The following KIZ variants were observed in gnomAD, a reference collection of about 807,000 sequenced individuals.
KIZ encodes the protein centrosomal protein kizuna.
In KIZ, 68 loss-of-function variants were observed where a neutral mutation model predicts 79.6. The ratio of observed to expected loss-of-function variants is 0.85; its 90% confidence interval spans 0.70 to 1.05. The LOEUF is 1.05. Among genes scored for constraint, KIZ ranks in the 50% least tolerant of loss-of-function variants. KIZ has a pLI of 0.00. For missense variants in KIZ, 797 were observed against 800.4 expected, an observed-to-expected ratio of 1.00 and a Z score of 0.05; for synonymous variants, 280 against 281.8, an observed-to-expected ratio of 0.99 and a Z score of 0.06.
chr20:21,215,911 C>T (rs765016766), intron 9 of KIZ, among the ~76,000 whole-genome samples: 33 of 152,200 alleles, frequency 2.2e-4, no homozygotes, highest in Non-Finnish European at 3.7e-4. Context: ...TGTGCCCTTT[C>T]AGCACCTGCG....
chr20:21,216,605 C>T (rs1220028461), intron 9 of KIZ, among the ~76,000 whole-genome samples: 1 of 152,040 alleles, frequency 6.6e-6, no homozygotes, highest in Non-Finnish European at 1.5e-5. Flanking sequence ...ACATTTTCAC[C>T]AATGATATGT....
chr20:21,162,928 C>G lies in KIZ; in HGVS notation c.1121C>G (p.Thr374Ser), dbSNP rs2122701652. The change falls in exon 6 of 13, where the codon ACC becomes AGC. Residue 374 changes from threonine (T) to serine (S), a missense_variant. Transcript: ENST00000619189. Reference sequence around the variant, plus strand: ...GAAGAGGAGGAGGAAAGTTGGAGCACCAGCAGTGACCTTACCATTTCAATA... The same window carrying G: ...GAAGAGGAGGAGGAAAGTTGGAGCAGCAGCAGTGACCTTACCATTTCAATA... The part of the protein sequence containing the change: ...MQEEEEESWS[T>S]SSDLTISISE... 6.2e-7 allele frequency: 1 copy of G among 1,613,558 alleles called. No homozygotes were observed. Among genetic ancestry groups the G allele is most frequent in the Non-Finnish European group, 8.5e-7 (1 of 1,179,676 alleles).
chr20:21,149,282 A>G (rs2032996463), intron 4 of KIZ, among the ~76,000 whole-genome samples: 2 of 152,196 alleles, frequency 1.3e-5, no homozygotes, highest in Admixed American at 1.3e-4. Flanking sequence ...TCCTGGTGAA[A>G]TAAAAACAAC....
chr20:21,219,188 A>AT (rs2036416094), intron 9 of KIZ, among the ~76,000 whole-genome samples: 2 of 69,906 alleles, frequency 2.9e-5, no homozygotes, highest in Admixed American at 1.5e-4. Flanking sequence ...ACCAGGTAGA[A>AT]TATTTATCGA....
intron 2 of KIZ, among the ~76,000 whole-genome samples, chr20:21,132,549 G>A (rs570037679): frequency 6.6e-6 from 1 of 151,304 alleles, no homozygotes; most frequent in East Asian, 1.9e-4. Context: ...CCAAAATGCT[G>A]GGATTACAGC....
At chr20:21,228,524 T>C (rs921216007) in intron 9 of KIZ, among the ~76,000 whole-genome samples, 2 of 152,142 alleles carry the variant, frequency 1.3e-5, no homozygotes, top group African/African-American at 4.8e-5. Flanking sequence ...TTCCTCAGCT[T>C]TGGGACTCTG....
chr20:21,241,471 C>T (rs1483351985), intron 11 of KIZ, among the ~76,000 whole-genome samples: 1 of 152,214 alleles, frequency 6.6e-6, no homozygotes, highest in East Asian at 1.9e-4. Context: ...AAACCAATCA[C>T]ACAGACAATT....
intron 6 of KIZ, among the ~76,000 whole-genome samples, chr20:21,185,856 C>T (rs558585078): frequency 6.6e-4 from 101 of 152,114 alleles, no homozygotes; most frequent in Middle Eastern, 3.4e-3. Flanking sequence ...GGACTACAGA[C>T]GTGTGCCACC....
At chr20:21,143,383 A>T (rs914544851) in intron 3 of KIZ, among the ~76,000 whole-genome samples, 10 of 152,256 alleles carry the variant, frequency 6.6e-5, no homozygotes, top group African/African-American at 2.2e-4. Flanking sequence ...CAAACAGTAA[A>T]GTGATGGAGG....
At chr20:21,150,085 A>T (rs1028203651) in intron 4 of KIZ, among the ~76,000 whole-genome samples, 1 of 152,178 alleles carries the variant, frequency 6.6e-6, no homozygotes, top group East Asian at 1.9e-4. Flanking sequence ...TGCCTCAGGG[A>T]TATCCCATTC....
chr20:21,132,744 CT>C (rs1317608645), intron 2 of KIZ, among the ~76,000 whole-genome samples: 2 of 152,068 alleles, frequency 1.3e-5, no homozygotes, highest in Non-Finnish European at 2.9e-5. Flanking sequence ...ATCTGTTTTG[CT>C]TAAAAATCTT....
In KIZ at chr20:21,163,146, G is replaced by A. The variant is rs775768261; in HGVS notation, c.1339G>A (p.Ala447Thr). The A allele has an allele frequency of 1.7e-5, 28 of 1,607,156 alleles. No homozygotes were observed. Among genetic ancestry groups the A allele is most frequent in the Middle Eastern group, 3.3e-4 (2 of 6,022 alleles). Residue 447 changes from alanine (A) to threonine (T), a missense_variant, in exon 6 of 13, where the codon GCA becomes ACA. Ala to Thr is a moderately conservative substitution (Grantham distance 58, BLOSUM62 0). Transcript: ENST00000619189. Reference protein sequence around the residue: ...PDSEKESSTNAPTREPGQTPD... With the variant: ...PDSEKESSTNTPTREPGQTPD... ...TTCAGAAAAGGAATCCTCCACTAAC[G>A]CACCAACAAGAGAGTAAGCCATTCA... is the stretch of plus-strand genomic sequence containing the variant.
At chr20:21,196,898 C>T (rs2035365618) in intron 6 of KIZ, 1 of 152,220 alleles carries the variant, frequency 6.6e-6, no homozygotes, top group South Asian at 2.1e-4. Context: ...TGGACCACAT[C>T]TCCTTCATCC....
In KIZ at chr20:21,162,982, C is replaced by T. The variant is rs1376148322; in HGVS notation, c.1175C>T (p.Pro392Leu). Residue 392 changes from proline to leucine, a missense_variant, in exon 6 of 13, where the codon CCA becomes CTA. Pro to Leu is a moderately conservative substitution (Grantham distance 98). Coordinates refer to ENST00000619189, the MANE Select transcript of KIZ (RefSeq NM_018474.6). ...ISEDDLILES[P>L]EPQPNPGGKM... ...GAAGATGATCTGATTTTAGAGAGCCCAGAACCACAGCCAAATCCAGGTGGC... is the reference window on the plus strand; with the variant it reads ...GAAGATGATCTGATTTTAGAGAGCCTAGAACCACAGCCAAATCCAGGTGGC... 2 of 1,613,708 alleles carry T rather than the reference C, an allele frequency of 1.2e-6. No individual in the cohort carries two copies. The highest frequency in any genetic ancestry group is 1.7e-5 in the Admixed American group (1 of 59,980).
intron 6 of KIZ, among the ~76,000 whole-genome samples, chr20:21,163,556 T>C (rs1488108789): frequency 6.6e-6 from 1 of 152,220 alleles, no homozygotes; most frequent in Non-Finnish European, 1.5e-5. Context: ...AATGCAGCAT[T>C]AGAGTCTGAG....
intron 3 of KIZ, among the ~76,000 whole-genome samples, chr20:21,145,168 TTTTG>T (rs940624239): frequency 1.1e-3 from 140 of 126,480 alleles, no homozygotes; most frequent in African/African-American, 1.8e-3. Context: ...GATTGATTTT[TTTTG>T]TTTGTTTGGG....
chr20:21,208,322 G>A (rs76587186), intron 7 of KIZ, among the ~76,000 whole-genome samples: 2,770 of 152,218 alleles, frequency 0.018, 43 homozygotes, highest in Middle Eastern at 0.041. Context: ...TCCCCTAATA[G>A]ATCTTTGTTC....
Position 21,232,492 on chromosome 20 carries a change from A to G in KIZ, c.1784-242A>G, listed in dbSNP as rs1246217104. The stretch of plus-strand genomic sequence containing the variant: ...CATTTAAAATTGAACTCTTTGGATG[A>G]TTTCAGTTTTCACTTTTTGTGGCTT... On this transcript the variant is annotated intron_variant, in intron 10 of 12. Coordinates refer to ENST00000619189, the MANE Select transcript of KIZ (RefSeq NM_018474.6). Among the ~76,000 whole-genome samples the G allele has an allele frequency of 2.6e-5, 4 of 152,164 alleles. No individual in the cohort carries two copies. The South Asian group carries it at 8.3e-4, about 32-fold the overall frequency.
chr20:21,197,654 A>T (rs1470519089), intron 6 of KIZ: 1 of 152,242 alleles, frequency 6.6e-6, no homozygotes, highest in Non-Finnish European at 1.5e-5. Flanking sequence ...TGCCGCATAC[A>T]CGCAAACAAG....
Sources: allele counts gnomAD v4.1 joint callset (sites outside exome capture counted in the v4.1 genomes callset), GRCh38; gene constraint gnomAD v4.1.1; transcripts MANE v1.5; gene names NCBI Gene and HGNC (gene_info 2026-07-23, HGNC 2026-07-21).